The following MGAT4C variants were observed in gnomAD, a reference collection of about 807,000 sequenced individuals.
MGAT4C encodes MGAT4 family member C.
MGAT4C carries 19 observed loss-of-function variants against 40.1 expected under a neutral mutation model. The ratio of observed to expected loss-of-function variants is 0.47; its 90% CI spans 0.33 to 0.70. The LOEUF is 0.70. Among genes scored for constraint, MGAT4C ranks in the 30% least tolerant of loss-of-function variants. The pLI is 0.02. For missense variants in MGAT4C, 491 were observed against 563.2 expected (o/e 0.87, Z 1.30); for synonymous variants, 181 against 187.1 (o/e 0.97, Z 0.27).
In MGAT4C at chr12:86,307,860, G is replaced by A. The variant is rs939416783; in HGVS notation, c.-57+26205C>T. ...TGGGACTACAGGCGCCCGCCACTAC[G>A]TCCGGCTAAATTTTTTGTATTTTTA... On this transcript the variant is annotated intron_variant, in intron 4 of 7. Transcript: ENST00000548651. Among the ~76,000 whole-genome samples, 15 of 149,840 alleles carry A rather than the reference G, an allele frequency of 1.0e-4. 2 individuals carry two copies. Among genetic ancestry groups the A allele is most frequent in the East Asian group, 7.8e-4 (4 of 5,102 alleles).
rs1894463949 is a variant in MGAT4C, at chr12:86,065,613, G to T, written c.-56-15890C>A. ...CTGGCAGTCAATATTATACTGAATG[G>T]GCAAAAACTGGAAGCATTCCCTTTG... On this transcript the variant is annotated intron_variant, in intron 1 of 4. Transcript: ENST00000611864. Among the ~76,000 whole-genome samples, 3 of 152,200 alleles carry T rather than the reference G, an allele frequency of 2.0e-5. No homozygotes were observed. The South Asian group carries it at 6.2e-4, about 32-fold the overall frequency.
At position 85,961,979 on chromosome 12, in the gene MGAT4C, T is replaced by C. The variant is rs558381544; in HGVS notation, c.*17310A>G. On this transcript the variant is annotated 3_prime_UTR_variant, in exon 5 of 5. Coordinates refer to ENST00000611864, the MANE Select transcript of MGAT4C (RefSeq NM_001351288.2). ...CTATGTCCAGTTTTATTCATTTCTTTTGTGTATCTGAATGGAACATGTGGT... is the reference window on the plus strand; with the variant it reads ...CTATGTCCAGTTTTATTCATTTCTTCTGTGTATCTGAATGGAACATGTGGT... 1.6e-4 allele frequency: 25 copies of C among 152,000 alleles called. No homozygotes were observed. Among genetic ancestry groups the C allele is most frequent in the African/African-American group, 5.3e-4 (22 of 41,550 alleles). The allele number at this position is 152,000 out of a possible 1,614,324, so 9.4% of individuals were successfully genotyped here.
intron 1 of MGAT4C, among the ~76,000 whole-genome samples, chr12:86,122,450 T>C (rs1879518863): frequency 6.6e-6 from 1 of 152,176 alleles, no homozygotes; most frequent in Non-Finnish European, 1.5e-5. Flanking sequence ...ATTACAGCTA[T>C]GCAAAAAGTT....
intron 2 of MGAT4C, among the ~76,000 whole-genome samples, chr12:86,030,994 A>G (rs1398854530): frequency 6.6e-6 from 1 of 151,816 alleles, no homozygotes; most frequent in Non-Finnish European, 1.5e-5. Flanking sequence ...CAACAAAAGC[A>G]TAAAACACAT....
chr12:86,196,359 C>T (rs1308455005), intron 1 of MGAT4C, among the ~76,000 whole-genome samples: 2 of 152,212 alleles, frequency 1.3e-5, no homozygotes, highest in Admixed American at 6.5e-5. Flanking sequence ...GTAATAGCGT[C>T]ACCTCCCCTA....
chr12:86,017,469 G>A (rs1889214455), intron 2 of MGAT4C, among the ~76,000 whole-genome samples: 1 of 152,108 alleles, frequency 6.6e-6, no homozygotes, highest in Admixed American at 6.6e-5. Flanking sequence ...ACTTATTTAA[G>A]TGAGAAGTGA....
intron 3 of MGAT4C, among the ~76,000 whole-genome samples, chr12:86,425,971 CAT>C (rs1247856557): frequency 1.3e-5 from 2 of 152,102 alleles, no homozygotes; most frequent in African/African-American, 2.4e-5. Context: ...AGATTATACT[CAT>C]GATATATTTT....
chr12:86,656,149 G>A (rs1963845070), intron 2 of MGAT4C, among the ~76,000 whole-genome samples: 1 of 151,952 alleles, frequency 6.6e-6, no homozygotes, highest in Admixed American at 6.6e-5. Flanking sequence ...CTAAAAATAT[G>A]TTAGAAAAAT....
chr12:86,228,991 G>C (rs959000238), intron 1 of MGAT4C, among the ~76,000 whole-genome samples: 2 of 151,954 alleles, frequency 1.3e-5, no homozygotes, highest in Middle Eastern at 3.4e-3. Flanking sequence ...AATGTGTGCA[G>C]ATTTGGAAAG....
intron 3 of MGAT4C, among the ~76,000 whole-genome samples, chr12:86,421,137 T>G (rs1393989731): frequency 6.6e-6 from 1 of 152,114 alleles, no homozygotes. Context: ...TGGGTCTTCT[T>G]TGTCCTGACT....
At chr12:86,548,548 A>G (rs1221963111) in intron 2 of MGAT4C, among the ~76,000 whole-genome samples, 1 of 152,098 alleles carries the variant, frequency 6.6e-6, no homozygotes, top group East Asian at 1.9e-4. Flanking sequence ...TTAATGGTCT[A>G]CTGTGTAGCA....
intron 2 of MGAT4C, among the ~76,000 whole-genome samples, chr12:86,008,489 G>T (rs1380320852): frequency 2.0e-5 from 3 of 151,738 alleles, no homozygotes; most frequent in Non-Finnish European, 4.4e-5. Context: ...TTGATGCCTT[G>T]GATCCTGTGA....
At chr12:86,141,903 A>C (rs2135740938) in intron 1 of MGAT4C, among the ~76,000 whole-genome samples, 1 of 152,268 alleles carries the variant, frequency 6.6e-6, no homozygotes, top group Middle Eastern at 3.4e-3. Flanking sequence ...CGACAAAAGG[A>C]AGCCTTTCAC....
intron 3 of MGAT4C, among the ~76,000 whole-genome samples, chr12:86,361,827 C>G (rs1473124195): frequency 6.6e-6 from 1 of 152,158 alleles, no homozygotes; most frequent in Non-Finnish European, 1.5e-5. Flanking sequence ...ATTAAAAAGT[C>G]AGGAAACAAC....
At chr12:86,713,867 T>G (rs1054239625) in intron 2 of MGAT4C, among the ~76,000 whole-genome samples, 18 of 151,176 alleles carry the variant, frequency 1.2e-4, no homozygotes, top group Non-Finnish European at 1.9e-4. Context: ...TACATTATTA[T>G]GTAATTCAGA....
chr12:86,439,949 C>G (rs777068603), intron 2 of MGAT4C, among the ~76,000 whole-genome samples: 33 of 150,896 alleles, frequency 2.2e-4, no homozygotes, highest in Non-Finnish European at 3.7e-4. Flanking sequence ...CCTGAACAGA[C>G]CAATAACAAG....
intron 3 of MGAT4C, among the ~76,000 whole-genome samples, chr12:86,377,018 T>C (rs996881539): frequency 6.6e-6 from 1 of 152,080 alleles, no homozygotes; most frequent in African/African-American, 2.4e-5. Context: ...ATTATTTTTG[T>C]TAAAAGAAAC....
intron 1 of MGAT4C, among the ~76,000 whole-genome samples, chr12:86,090,344 G>A (rs903884406): frequency 1.3e-5 from 2 of 151,540 alleles, no homozygotes; most frequent in Non-Finnish European, 1.5e-5. Context: ...CATACTCAGT[G>A]TATTCTACCT....
At position 86,531,379 on chromosome 12, in the gene MGAT4C, A is replaced by G. The variant is rs950488397; in HGVS notation, c.-228-96114T>C. 3.3e-5 allele frequency among the ~76,000 whole-genome samples: 5 copies of G among 152,118 alleles called. No homozygotes were observed. The East Asian group carries it at 7.7e-4, about 24-fold the overall frequency. On this transcript the variant is annotated intron_variant, in intron 2 of 7. Transcript: ENST00000548651. Reference sequence around the variant, plus strand: ...TGGTTGCTGATTGGTTTTAGCCTCAATGAATATCACATCAATGCACAGCAG... The same window carrying G: ...TGGTTGCTGATTGGTTTTAGCCTCAGTGAATATCACATCAATGCACAGCAG...
Sources: gnomAD v4.1 joint callset for allele counts (sites outside exome capture counted in the v4.1 genomes callset) on GRCh38, gnomAD v4.1.1 for gene constraint, MANE v1.5 for transcripts, NCBI Gene and HGNC (gene_info 2026-07-23, HGNC 2026-07-21) for gene names.